The following ESRRB variants were observed in gnomAD, a reference collection of about 807,000 sequenced individuals.
ESRRB encodes estrogen related receptor beta, also known as steroid hormone receptor ERR2.
In ESRRB, 16 loss-of-function variants were observed where a neutral mutation model predicts 46.0. That is an observed-to-expected ratio of 0.35 (90% confidence interval 0.24 to 0.53). ESRRB has a LOEUF of 0.53. Ranked by LOEUF, ESRRB falls within the 20% of genes least tolerant of loss-of-function variation. The pLI, the probability that ESRRB is intolerant of heterozygous loss-of-function variation, is 0.93. For synonymous variants in ESRRB, 246 were observed against 259.6 expected, an observed-to-expected ratio of 0.95 and a Z score of 0.50; for missense variants, 488 against 607.4, an observed-to-expected ratio of 0.80 and a Z score of 2.07.
chr14:76,414,734 C>T (rs1323707324), intron 1 of ESRRB, among the ~76,000 whole-genome samples: 2 of 148,068 alleles, frequency 1.4e-5, no homozygotes, highest in African/African-American at 2.5e-5. Context: ...AGCACAATCG[C>T]TGATTGGAAG....
chr14:76,363,755 G>T (rs1003297686), intron 1 of ESRRB, among the ~76,000 whole-genome samples: 4 of 152,170 alleles, frequency 2.6e-5, no homozygotes, highest in African/African-American at 7.2e-5. Context: ...ACAGTGCTTA[G>T]GTTTCCAGGC....
At chr14:76,368,207 T>G (rs1048446501), upstream of ESRRB, among the ~76,000 whole-genome samples, 4 of 150,352 alleles carry the variant, frequency 2.7e-5, no homozygotes, top group African/African-American at 9.8e-5. Flanking sequence ...TCTCCTGACC[T>G]TGTGATCTGC....
chr14:76,396,971 G>A (rs1885713788), intron 1 of ESRRB, among the ~76,000 whole-genome samples: 1 of 152,180 alleles, frequency 6.6e-6, no homozygotes, highest in East Asian at 1.9e-4. Context: ...CATTAATCTT[G>A]TGTCTCTGCG....
chr14:76,485,434 G>T (rs1446685592), intron 5 of ESRRB, among the ~76,000 whole-genome samples: 2 of 151,512 alleles, frequency 1.3e-5, no homozygotes, highest in Non-Finnish European at 2.9e-5. Context: ...TAAAGATGGG[G>T]TTTCACCATG....
intron 1 of ESRRB, among the ~76,000 whole-genome samples, chr14:76,426,921 G>A: frequency 6.6e-6 from 1 of 152,190 alleles, no homozygotes; most frequent in Admixed American, 6.5e-5. Context: ...TTGAATGAGT[G>A]ACAGTGTGTG....
rs540035336 is a variant in ESRRB, at chr14:76,448,231, C to A, written c.460+8481C>A. 7.9e-5 allele frequency among the ~76,000 whole-genome samples: 12 copies of A among 152,128 alleles called. No individual in the cohort carries two copies. In the South Asian group the frequency reaches 1.7e-3, roughly 21 times the overall value. On this transcript the variant is annotated intron_variant, in intron 2 of 6. Coordinates refer to ENST00000644823, the MANE Select transcript of ESRRB (RefSeq NM_001379180.1). ...ATGCCCTGCAAAGGTTCGCCCATCA[C>A]GCCACCCTTCTCCCACTGTATGGTT...
chr14:76,433,571 C>T (rs908089784), intron 1 of ESRRB, among the ~76,000 whole-genome samples: 2 of 152,178 alleles, frequency 1.3e-5, no homozygotes, highest in Admixed American at 6.6e-5. Context: ...GGAGGGCATG[C>T]TTTGTTTACA....
intron 2 of ESRRB, among the ~76,000 whole-genome samples, chr14:76,454,541 T>C (rs1888522638): frequency 2.0e-5 from 3 of 152,076 alleles, no homozygotes; most frequent in South Asian, 2.1e-4. Flanking sequence ...GTGGAGGAGC[T>C]GGCCAGGAGG....
intron 1 of ESRRB, among the ~76,000 whole-genome samples, chr14:76,316,961 C>G (rs370188411): frequency 6.6e-6 from 1 of 152,138 alleles, no homozygotes; most frequent in East Asian, 1.9e-4. Context: ...TCTGTAGGGC[C>G]CCCTGTGCTC....
At chr14:76,400,537 T>C (rs1885895532) in intron 1 of ESRRB, among the ~76,000 whole-genome samples, 1 of 152,234 alleles carries the variant, frequency 6.6e-6, no homozygotes, top group Non-Finnish European at 1.5e-5. Flanking sequence ...GTGATGCTTG[T>C]ACTAGGTTGC....
At chr14:76,328,481 A>C (rs1262690325) in intron 1 of ESRRB, among the ~76,000 whole-genome samples, 1 of 152,136 alleles carries the variant, frequency 6.6e-6, no homozygotes, top group African/African-American at 2.4e-5. Flanking sequence ...AAAAATGTGC[A>C]TATGTGCCTA....
intron 1 of ESRRB, among the ~76,000 whole-genome samples, chr14:76,418,891 T>C (rs905824253): frequency 6.6e-6 from 1 of 152,048 alleles, no homozygotes; most frequent in Non-Finnish European, 1.5e-5. Context: ...ACTGCTGGAA[T>C]TACAGGTGTG....
chr14:76,477,873 A>G (rs1384856487), intron 3 of ESRRB, among the ~76,000 whole-genome samples: 1 of 152,200 alleles, frequency 6.6e-6, no homozygotes, highest in African/African-American at 2.4e-5. Flanking sequence ...AGGTCATACC[A>G]TGGAATGGCA....
chr14:76,470,617 C>A (rs115391266), intron 3 of ESRRB, among the ~76,000 whole-genome samples: 1 of 152,190 alleles, frequency 6.6e-6, no homozygotes, highest in South Asian at 2.1e-4. Context: ...CCAGCTAAAA[C>A]GTTGTTGGTA....
rs534175750 is a variant in ESRRB, at chr14:76,443,161, A to G, written c.460+3411A>G. Among the ~76,000 whole-genome samples the G allele has an allele frequency of 3.3e-5, 5 of 152,316 alleles. No individual in the cohort carries two copies. The East Asian group carries it at 7.7e-4, about 23-fold the overall frequency. ...AATGAGCCCTTTTAAAAAAATAAACATGATAAAAAAAATTCTAGCAGTGCA... is the reference window on the plus strand; with the variant it reads ...AATGAGCCCTTTTAAAAAAATAAACGTGATAAAAAAAATTCTAGCAGTGCA... On this transcript the variant is annotated intron_variant, in intron 2 of 6. Transcript: ENST00000644823.
chr14:76,384,757 G>T (rs550508202), intron 1 of ESRRB, among the ~76,000 whole-genome samples: 1 of 152,182 alleles, frequency 6.6e-6, no homozygotes, highest in Non-Finnish European at 1.5e-5. Context: ...AGGACAAGGG[G>T]GGGTTATGAC....
At chr14:76,491,419 C>T (rs746191632) in intron 5 of ESRRB, 28 bp from the exon 6 acceptor site, 16 of 1,605,592 alleles carry the variant, frequency 1.0e-5, no homozygotes, top group Middle Eastern at 1.9e-4. Context: ...TGACCTGCTG[C>T]TGCCCTCTGT....
chr14:76,455,053 C>T (rs1270217613), intron 2 of ESRRB, among the ~76,000 whole-genome samples: 1 of 116,772 alleles, frequency 8.6e-6, no homozygotes, highest in Non-Finnish European at 1.9e-5. Flanking sequence ...CCCGTCTCTA[C>T]TAAAAATACA....
In ESRRB at chr14:76,500,011, C is replaced by T. The variant is rs1388735708; in HGVS notation, c.*1553C>T. 1 of 1,567,106 alleles carries T rather than the reference C, an allele frequency of 6.4e-7. No individual in the cohort carries two copies. Among genetic ancestry groups the T allele is most frequent in the Non-Finnish European group, 8.7e-7 (1 of 1,155,062 alleles). ...AATCCACGCCCTTCTAGTCCAACCC[C>T]CCTCAATGAGAGAGGCAGGCAGATC... On this transcript the variant is annotated 3_prime_UTR_variant, in exon 7 of 7. Transcript: ENST00000644823.
Sources: allele counts gnomAD v4.1 joint callset (sites outside exome capture counted in the v4.1 genomes callset), GRCh38; gene constraint gnomAD v4.1.1; transcripts MANE v1.5; gene names NCBI Gene and HGNC (gene_info 2026-07-23, HGNC 2026-07-21).